SUMF1: variants seen among roughly 807,000 people sequenced by gnomAD.
SUMF1 encodes the protein sulfatase modifying factor 1, also known as formylglycine-generating enzyme.
SUMF1 carries 48 observed loss-of-function variants against 47.6 expected under a neutral mutation model. The ratio of observed to expected loss-of-function variants is 1.01; its 90% CI spans 0.80 to 1.28. The LOEUF (loss-of-function observed/expected upper bound fraction) is 1.28. SUMF1 is among the 50% of genes most tolerant of loss of function. The pLI, the probability that SUMF1 is intolerant of heterozygous loss-of-function variation, is 0.00. For synonymous variants in SUMF1, 230 were observed against 192.1 expected (o/e 1.20, Z -1.63); for missense variants, 571 against 485.4 (o/e 1.18, Z -1.66).
intron 9 of SUMF1, among the ~76,000 whole-genome samples, chr3:4,047,197 C>T (rs999155140): frequency 1.3e-5 from 2 of 152,066 alleles, no homozygotes; most frequent in Non-Finnish European, 2.9e-5. Context: ...TCAAATATCC[C>T]CTAAGCTCAT....
rs1349656239 is a variant in SUMF1 at position 4,163,512 on chromosome 3, T to C, written c.1015-94767A>G. Reference sequence around the variant, plus strand: ...TCTCTCAAAGACCTATTACAGGATCTTTCTTCTATCTCTTTGTTGATATTC... The same window carrying C: ...TCTCTCAAAGACCTATTACAGGATCCTTCTTCTATCTCTTTGTTGATATTC... On this transcript the variant is annotated intron_variant and NMD_transcript_variant, in intron 8 of 12. Coordinates refer to the SUMF1 transcript ENST00000448413. Among the ~76,000 whole-genome samples, 24 of 111,442 alleles carry C rather than the reference T, an allele frequency of 2.2e-4. 1 individual carries two copies. The highest frequency in any genetic ancestry group is 2.1e-3 in the Admixed American group (24 of 11,312). 73.1% of individuals were successfully genotyped at this position (111,442 alleles called of 152,430 possible).
intron 8 of SUMF1, among the ~76,000 whole-genome samples, chr3:4,308,251 GAAAGTTTA>G (rs1698268460): frequency 1.3e-5 from 2 of 152,198 alleles, no homozygotes; most frequent in African/African-American, 4.8e-5. Flanking sequence ...TTTGAACCTG[GAAAGTTTA>G]ACTCCAGAAC....
Position 4,175,601 on chromosome 3 carries a change from C to G in SUMF1, c.1015-106856G>C, listed in dbSNP as rs560992255. Among the ~76,000 whole-genome samples the G allele has an allele frequency of 2.2e-4, 33 of 152,270 alleles. 1 individual carries two copies. Among genetic ancestry groups the G allele is most frequent in the African/African-American group, 7.5e-4 (31 of 41,558 alleles). On this transcript the variant is annotated intron_variant and NMD_transcript_variant, in intron 8 of 12. Transcript: ENST00000448413. ...ATGGGGAGAAACCACAGCAGAAAAG[C>G]TCAAAATTCTAAAAATCGAGCAGTT...
chr3:4,258,999 A>G (rs1697024576), intron 8 of SUMF1, among the ~76,000 whole-genome samples: 1 of 149,586 alleles, frequency 6.7e-6, no homozygotes, highest in African/African-American at 2.5e-5. Flanking sequence ...CATTCTCAGT[A>G]AACTATCGCA....
intron 8 of SUMF1, among the ~76,000 whole-genome samples, chr3:4,353,495 G>C (rs185161696): frequency 2.0e-5 from 3 of 152,040 alleles, no homozygotes; most frequent in Non-Finnish European, 4.4e-5. Context: ...CTCGTGATCC[G>C]CCCACCTCGG....
In SUMF1 at chr3:4,163,219, A is replaced by G. The variant is rs116920268; in HGVS notation, c.1015-94474T>C. Among the ~76,000 whole-genome samples, 42 of 151,634 alleles carry G rather than the reference A, an allele frequency of 2.8e-4. 1 individual carries two copies. In the East Asian group the frequency reaches 7.8e-3, roughly 28 times the overall value. On this transcript the variant is annotated intron_variant and NMD_transcript_variant, in intron 8 of 12. Transcript: ENST00000448413. ...GTTTCCGGGTCACTGCACTTTGCCT[A>G]TTGAAGAGAAGAGAAACAAAAACAC...
At chr3:4,260,692 G>C (rs535710524) in intron 8 of SUMF1, among the ~76,000 whole-genome samples, 1 of 151,850 alleles carries the variant, frequency 6.6e-6, no homozygotes, top group Non-Finnish European at 1.5e-5. Flanking sequence ...CTGAGATCTC[G>C]CCACTGCACT....
At chr3:4,289,027 T>G (rs1364440138) in intron 8 of SUMF1, among the ~76,000 whole-genome samples, 1 of 152,244 alleles carries the variant, frequency 6.6e-6, no homozygotes, top group Non-Finnish European at 1.5e-5. Flanking sequence ...CCTTTTCTGC[T>G]ACAGTACATA....
intron 8 of SUMF1, among the ~76,000 whole-genome samples, chr3:4,101,116 T>A (rs1369149167): frequency 6.6e-6 from 1 of 152,076 alleles, no homozygotes; most frequent in East Asian, 1.9e-4. Context: ...AAAATTACCA[T>A]ATGATCAAGC....
intron 8 of SUMF1, among the ~76,000 whole-genome samples, chr3:4,299,810 A>C (rs1697926882): frequency 6.6e-6 from 1 of 152,204 alleles, no homozygotes; most frequent in South Asian, 2.1e-4. Context: ...ACTCCACCTC[A>C]AAAAATAAAA....
At chr3:4,192,135 C>T (rs1386352000) in intron 8 of SUMF1, among the ~76,000 whole-genome samples, 1 of 152,078 alleles carries the variant, frequency 6.6e-6, no homozygotes, top group African/African-American at 2.4e-5. Flanking sequence ...TCACAGCTGT[C>T]TCCTGAAAGT....
chr3:4,048,018 T>A (rs1175001685), intron 9 of SUMF1, among the ~76,000 whole-genome samples: 2 of 152,142 alleles, frequency 1.3e-5, no homozygotes, highest in Non-Finnish European at 2.9e-5. Flanking sequence ...TTCCCCAAGG[T>A]CACAGAGCTA....
At chr3:4,131,231 T>C (rs547877943) in intron 8 of SUMF1, among the ~76,000 whole-genome samples, 2 of 152,256 alleles carry the variant, frequency 1.3e-5, no homozygotes, top group East Asian at 3.9e-4. Context: ...GGAAGTGGTA[T>C]ATTCATGACT....
chr3:4,337,759 AT>A (rs1378122288), intron 8 of SUMF1, among the ~76,000 whole-genome samples: 1 of 152,168 alleles, frequency 6.6e-6, no homozygotes. Context: ...TTCAATTAAA[AT>A]TTTCATCTGC....
Position 4,425,855 on chromosome 3 carries a change from G to C in SUMF1, c.520-5709C>G, listed in dbSNP as rs1418994108. Among the ~76,000 whole-genome samples, 5 of 152,222 alleles carry C rather than the reference G, an allele frequency of 3.3e-5. No homozygotes were observed. In the East Asian group the frequency reaches 9.6e-4, roughly 29 times the overall value. ...CAATCATGGCGTGGTGGAAGGTAAA[G>C]GGGCAGCAAAGGCACGCCTTACATG... is the stretch of plus-strand genomic sequence containing the variant. On this transcript the variant is annotated intron_variant, in intron 3 of 8. Transcript: ENST00000272902.
chr3:4,338,481 A>AATTC (rs1189055759), intron 8 of SUMF1, among the ~76,000 whole-genome samples: 2 of 152,122 alleles, frequency 1.3e-5, no homozygotes, highest in East Asian at 1.9e-4. Flanking sequence ...ACACCAAAAC[A>AATTC]ATTCATTCAT....
chr3:4,269,443 C>T (rs1697262691), intron 8 of SUMF1, among the ~76,000 whole-genome samples: 2 of 152,234 alleles, frequency 1.3e-5, no homozygotes, highest in South Asian at 2.1e-4. Flanking sequence ...ACCTTAAATT[C>T]AGAAATACAA....
chr3:4,285,249 C>G (rs1223860063), intron 8 of SUMF1, among the ~76,000 whole-genome samples: 1 of 152,170 alleles, frequency 6.6e-6, no homozygotes, highest in Non-Finnish European at 1.5e-5. Context: ...TTCGAAATTA[C>G]TAATAGCAAG....
intron 8 of SUMF1, among the ~76,000 whole-genome samples, chr3:4,187,919 T>A (rs1695236178): frequency 6.6e-6 from 1 of 152,214 alleles, no homozygotes; most frequent in Non-Finnish European, 1.5e-5. Context: ...GATAGCCCAA[T>A]GTTACTGTTT....
Sources: allele counts gnomAD v4.1 joint callset (sites outside exome capture counted in the v4.1 genomes callset), GRCh38; gene constraint gnomAD v4.1.1; transcripts MANE v1.5; gene names NCBI Gene and HGNC (gene_info 2026-07-23, HGNC 2026-07-21).